The following FCN1 variants were observed in gnomAD, a reference collection of about 807,000 sequenced individuals.
FCN1 encodes ficolin 1.
Under a neutral mutation model 35.6 loss-of-function variants are expected in FCN1, and 42 were observed. The observed-to-expected ratio is 1.18, with a 90% confidence interval of 0.92 to 1.53. The LOEUF (loss-of-function observed/expected upper bound fraction) is 1.53, where lower values mean the gene tolerates loss of function less well. Among genes scored for constraint, FCN1 ranks in the 40% most tolerant of loss-of-function variants. The pLI is 0.00. For synonymous variants in FCN1, 179 were observed against 169.8 expected, an observed-to-expected ratio of 1.05 and a Z score of -0.42; for missense variants, 439 against 428.4, an observed-to-expected ratio of 1.02 and a Z score of -0.22.
At chr9:134,913,205 G>A in intron 5 of FCN1, 62 bp from the exon 6 acceptor site, 1 of 1,602,294 alleles carries the variant, frequency 6.2e-7, no homozygotes, top group Non-Finnish European at 8.5e-7. Context: ...AGGGGCAGTG[G>A]GAGGGAGGCC....
At chr9:134,911,573 C>G (rs1252036652) in intron 7 of FCN1, among the ~76,000 whole-genome samples, 1 of 150,830 alleles carries the variant, frequency 6.6e-6, no homozygotes, top group East Asian at 2.0e-4. Context: ...AGGATGGTCT[C>G]GATCTCTTCA....
At position 134,914,745 on chromosome 9, in the gene FCN1, C is replaced by T. The variant is rs757389910; in HGVS notation, c.271+11G>A. On this transcript the variant is annotated intron_variant, in intron 3 of 8. Coordinates refer to ENST00000371806, the MANE Select transcript of FCN1 (RefSeq NM_002003.5). Reference sequence around the variant, plus strand: ...TGCTCAAGGCCTCCTCGCTGTCTGTCCCCTGGTTACCTTTGGGCCCCACTG... The same window carrying T: ...TGCTCAAGGCCTCCTCGCTGTCTGTTCCCTGGTTACCTTTGGGCCCCACTG... 5 of 1,607,770 alleles carry T rather than the reference C, an allele frequency of 3.1e-6. No individual in the cohort carries two copies. The highest frequency in any genetic ancestry group is 2.2e-5 in the East Asian group (1 of 44,830).
intron 6 of FCN1, among the ~76,000 whole-genome samples, 177 bp downstream of exon 6, chr9:134,912,839 G>C (rs1033522541): frequency 6.6e-6 from 1 of 152,134 alleles, no homozygotes; most frequent in Non-Finnish European, 1.5e-5. Flanking sequence ...GGAGAGCACC[G>C]GTCCCCTCCC....
At position 134,917,800 on chromosome 9, in the gene FCN1, G is replaced by T. The variant is rs150747379; in HGVS notation, c.72C>A (p.Asn24Lys). ...ATGTGTCCGCAGCCTGGGCAGGCAG[G>T]TTCTTGATATGCAGGAACAAGACTA... is the stretch of plus-strand genomic sequence containing the variant. Reference protein sequence around the residue: ...VLLVLFLHIKNLPAQAADTCP... With the variant: ...VLLVLFLHIKKLPAQAADTCP... The change falls in exon 1 of 9, where the codon AAC becomes AAA. Residue 24 changes from asparagine (N) to lysine (K), a missense_variant. Asn to Lys is a moderately conservative substitution (Grantham distance 94). Transcript: ENST00000371806. The T allele has an allele frequency of 1.2e-5, 20 of 1,613,838 alleles. No homozygotes were observed. Among genetic ancestry groups the T allele is most frequent in the Non-Finnish European group, 1.6e-5 (19 of 1,179,882 alleles).
intron 4 of FCN1, among the ~76,000 whole-genome samples, chr9:134,914,009 C>G (rs1267446990): frequency 6.6e-6 from 1 of 151,396 alleles, no homozygotes; most frequent in Non-Finnish European, 1.5e-5. Flanking sequence ...GGACCCTCAG[C>G]CCCCGGCTCC....
rs1325003565 is a variant in FCN1 at position 134,905,772 on chromosome 9, C to A, written c.*4026G>T. 9.6e-6 allele frequency: 2 copies of A among 207,418 alleles called. No individual in the cohort carries two copies. Among genetic ancestry groups the A allele is most frequent in the Non-Finnish European group, 1.9e-5 (2 of 106,910 alleles). The allele number at this position is 207,418 out of a possible 1,614,324, so 12.8% of individuals were successfully genotyped here. A position where few individuals can be genotyped will look rare whatever the true frequency, so the allele number is the denominator to read the frequency against. On this transcript the variant is annotated 3_prime_UTR_variant, in exon 9 of 9. Transcript: ENST00000371806. Reference sequence around the variant, plus strand: ...GTGCTGGGATTACAAGCGTGAGCCACCGCGCCTGGCCGCTGCTGCTGCTTC... The same window carrying A: ...GTGCTGGGATTACAAGCGTGAGCCAACGCGCCTGGCCGCTGCTGCTGCTTC...
At position 134,906,752 on chromosome 9, in the gene FCN1, A is replaced by C. The variant is rs1830961135; in HGVS notation, c.*3046T>G. 6.6e-6 allele frequency: 1 copy of C among 152,154 alleles called. No homozygotes were observed. The highest frequency in any genetic ancestry group is 1.9e-4 in the East Asian group (1 of 5,196). The allele number at this position is 152,154 out of a possible 1,614,324, so 9.4% of individuals were successfully genotyped here. A position where few individuals can be genotyped will look rare whatever the true frequency, so the allele number is the denominator to read the frequency against. ...AACATTACAAGACTGTGAAAAATCA[A>C]ACCTGTCCAGATTCCTTAATACAAA... On this transcript the variant is annotated 3_prime_UTR_variant, in exon 9 of 9. Coordinates refer to ENST00000371806, the MANE Select transcript of FCN1 (RefSeq NM_002003.5).
intron 2 of FCN1, 144 bp downstream of exon 2, chr9:134,916,204 G>C (rs1022392375): frequency 8.5e-6 from 6 of 704,324 alleles, no homozygotes; most frequent in South Asian, 1.7e-5. Context: ...AGTCAGCTCT[G>C]TTCCTGGCTC....
rs189173770 is a variant in FCN1 at position 134,904,006 on chromosome 9, C to A, written c.*5792G>T. Among the ~76,000 whole-genome samples, 5 of 152,242 alleles carry A rather than the reference C, an allele frequency of 3.3e-5. No individual in the cohort carries two copies. The highest frequency in any genetic ancestry group is 1.2e-4 in the African/African-American group (5 of 41,554). On this transcript the variant is annotated 3_prime_UTR_variant, in exon 9 of 9. Coordinates refer to ENST00000371806, the MANE Select transcript of FCN1 (RefSeq NM_002003.5). ...GGAAAAAAGAATACAAATCCAGAAA[C>A]TAGAACAAGAGACATATGAGACACG...
rs1322074280 is a variant in FCN1, at chr9:134,906,558, T to C, written c.*3240A>G. The stretch of plus-strand genomic sequence containing the variant: ...ATAATTTAACTTAAATCTTAAGAAA[T>C]CTAATAATTTAACTTAGAAATGCAA... On this transcript the variant is annotated 3_prime_UTR_variant, in exon 9 of 9. Coordinates refer to ENST00000371806, the MANE Select transcript of FCN1 (RefSeq NM_002003.5). The C allele has an allele frequency of 6.6e-6, 1 of 152,192 alleles. No homozygotes were observed. Among genetic ancestry groups the C allele is most frequent in the Non-Finnish European group, 1.5e-5 (1 of 68,038 alleles). 9.4% of individuals were successfully genotyped at this position (152,192 alleles called of 1,614,324 possible).
At chr9:134,913,281 G>A in intron 5 of FCN1, 138 bp from the exon 6 acceptor site, 1 of 1,226,770 alleles carries the variant, frequency 8.2e-7, no homozygotes. Flanking sequence ...CCTGGACAGG[G>A]ACACGGCCCC....
At chr9:134,915,461 G>C (rs916646530) in intron 2 of FCN1, among the ~76,000 whole-genome samples, 1 of 152,170 alleles carries the variant, frequency 6.6e-6, no homozygotes, top group Non-Finnish European at 1.5e-5. Flanking sequence ...CTGGTTCAAG[G>C]GAAGTCTGAG....
In FCN1 at chr9:134,905,088, C is replaced by T. The variant is rs181858541; in HGVS notation, c.*4710G>A. On this transcript the variant is annotated 3_prime_UTR_variant, in exon 9 of 9. Coordinates refer to ENST00000371806, the MANE Select transcript of FCN1 (RefSeq NM_002003.5). ...GGTAGAAGGAATAATTTATAGTATA[C>T]CGTAAAAAATCAAGGCTATATATTG... is the stretch of plus-strand genomic sequence containing the variant. 2.1e-3 allele frequency among the ~76,000 whole-genome samples: 323 copies of T among 152,026 alleles called. 7 individuals carry two copies. The highest frequency in any genetic ancestry group is 5.6e-4 in the Non-Finnish European group (38 of 67,990).
chr9:134,910,891 C>G (rs1421657065), intron 8 of FCN1, among the ~76,000 whole-genome samples: 1 of 152,242 alleles, frequency 6.6e-6, no homozygotes, highest in African/African-American at 2.4e-5. Flanking sequence ...AGCAGTGATG[C>G]TGGTGGGTCG....
Position 134,909,005 on chromosome 9 carries a change from A to G in FCN1, c.*793T>C. 1 of 347,896 alleles carries G rather than the reference A, an allele frequency of 2.9e-6. No homozygotes were observed. Among genetic ancestry groups the G allele is most frequent in the South Asian group, 2.3e-5 (1 of 44,198 alleles). The allele number at this position is 347,896 out of a possible 1,614,324, so 21.6% of individuals were successfully genotyped here. On this transcript the variant is annotated 3_prime_UTR_variant, in exon 9 of 9. Coordinates refer to ENST00000371806, the MANE Select transcript of FCN1 (RefSeq NM_002003.5). ...TTTGATGCTTCTTAGGTCGTGGTTG[A>G]GAAATCTCCCCTGGCCTGGGAGCTG...
In FCN1 at chr9:134,912,729, GCCACACGCACGCCC is replaced by G. The variant is rs1368701921; in HGVS notation, c.469-128_469-115del. The G allele has an allele frequency of 2.6e-4, 367 of 1,412,164 alleles. 1 individual carries two copies. The Middle Eastern group carries it at 2.9e-3, about 11-fold the overall frequency. 87.5% of individuals were successfully genotyped at this position (1,412,164 alleles called of 1,614,324 possible). On this transcript the variant is annotated intron_variant, in intron 6 of 8. Transcript: ENST00000371806. ...AGTTGGCAGAGCATCACAGGCCGGT[GCCACACGCACGCCC>G]ATCTGGTCTCCTCACAGACTCCACA...
rs1830955102 is a variant in FCN1 at position 134,906,082 on chromosome 9, C to G, written c.*3716G>C. On this transcript the variant is annotated 3_prime_UTR_variant, in exon 9 of 9. Coordinates refer to ENST00000371806, the MANE Select transcript of FCN1 (RefSeq NM_002003.5). ...TCTCAGCTCACTGCAACCTCCACCT[C>G]CCGGGATCAAGCGATTTCTGGCGGA... 1 of 152,232 alleles carries G rather than the reference C, an allele frequency of 6.6e-6. No individual in the cohort carries two copies. Among genetic ancestry groups the G allele is most frequent in the South Asian group, 2.0e-4 (1 of 4,906 alleles). 9.4% of individuals were successfully genotyped at this position (152,232 alleles called of 1,614,324 possible).
chr9:134,910,385 C>T (rs1209950681), intron 8 of FCN1, among the ~76,000 whole-genome samples: 1 of 152,180 alleles, frequency 6.6e-6, no homozygotes, highest in East Asian at 1.9e-4. Flanking sequence ...CCCCACGTCC[C>T]CTGGTGGCCC....
intron 3 of FCN1, 22 bp from the exon 4 acceptor site, chr9:134,914,442 T>C (rs1315585486): frequency 2.5e-6 from 4 of 1,612,188 alleles, no homozygotes; most frequent in Admixed American, 1.7e-5. Context: ...GGCAGGATAA[T>C]GAGCTTTTGA....
Sources: gnomAD v4.1 joint callset for allele counts (sites outside exome capture counted in the v4.1 genomes callset) on GRCh38, gnomAD v4.1.1 for gene constraint, MANE v1.5 for transcripts, NCBI Gene and HGNC (gene_info 2026-07-23, HGNC 2026-07-21) for gene names.